The following SRD5A2 variants were observed in gnomAD, a reference collection of about 807,000 sequenced individuals.
The protein encoded by SRD5A2 is steroid 5 alpha-reductase 2, also known as 3-oxo-5-alpha-steroid 4-dehydrogenase 2.
Under a neutral mutation model 27.4 loss-of-function variants are expected in SRD5A2, and 30 were observed. The ratio of observed to expected loss-of-function variants is 1.10; its 90% CI spans 0.82 to 1.49. SRD5A2 has a LOEUF of 1.49. SRD5A2 is among the 40% of genes most tolerant of loss of function. SRD5A2 has a pLI of 0.00. For synonymous variants in SRD5A2, 141 were observed against 133.6 expected (o/e 1.06, Z -0.38); for missense variants, 348 against 323.4 (o/e 1.08, Z -0.58).
the SRD5A2 span, among the ~76,000 whole-genome samples, chr2:31,603,218 A>G: frequency 4.9e-4 from 71 of 143,910 alleles, no homozygotes; most frequent in Non-Finnish European, 9.3e-4. Flanking sequence ...GCAAATTTAC[A>G]AAAAATTAAA....
chr2:31,552,706 A>G (rs1415690784), intron 1 of SRD5A2, among the ~76,000 whole-genome samples: 1 of 152,200 alleles, frequency 6.6e-6, no homozygotes, highest in Admixed American at 6.5e-5. Context: ...AGCTAAGAAC[A>G]AAGGAAAAGA....
At chr2:31,578,821 G>T (rs1170316616) in intron 1 of SRD5A2, among the ~76,000 whole-genome samples, 1 of 151,952 alleles carries the variant, frequency 6.6e-6, no homozygotes, top group Non-Finnish European at 1.5e-5. Context: ...AATGTATTGT[G>T]CAAAGTGCCT....
At chr2:31,654,771 G>C in the SRD5A2 span, among the ~76,000 whole-genome samples, 3,068 of 152,234 alleles carry the variant, frequency 0.02, 63 homozygotes, top group African/African-American at 0.04. Flanking sequence ...GCCAGTATCA[G>C]GCACACCCAC....
chr2:31,580,943 G>C (rs1417055625), upstream of SRD5A2: 8 of 1,564,702 alleles, frequency 5.1e-6, no homozygotes, highest in Non-Finnish European at 6.9e-6. Context: ...TCCCAGAAGA[G>C]AGCGCGGCCC....
rs151300873 is a variant in SRD5A2 at position 31,568,105 on chromosome 2, C to G, written c.281+12515G>C. On this transcript the variant is annotated intron_variant, in intron 1 of 4. Transcript: ENST00000622030. Reference sequence around the variant, plus strand: ...TGGCTTCCACTGTGGGCACCCACATCTGGATGAAGGGAACATGGTGGTGCC... The same window carrying G: ...TGGCTTCCACTGTGGGCACCCACATGTGGATGAAGGGAACATGGTGGTGCC... Among the ~76,000 whole-genome samples the G allele has an allele frequency of 3.6e-3, 555 of 152,272 alleles. 4 individuals carry two copies. Among genetic ancestry groups the G allele is most frequent in the African/African-American group, 0.013 (546 of 41,562 alleles).
chr2:31,572,347 C>T (rs180969403), intron 1 of SRD5A2, among the ~76,000 whole-genome samples: 107 of 152,190 alleles, frequency 7.0e-4, no homozygotes, highest in African/African-American at 2.4e-3. Flanking sequence ...AAATACCTAT[C>T]GGGTAGTATG....
chr2:31,567,456 G>GTGTGTGTGTGTGTGTA (rs143408801), intron 1 of SRD5A2, among the ~76,000 whole-genome samples: 2 of 140,240 alleles, frequency 1.4e-5, no homozygotes, highest in Admixed American at 1.4e-4. Context: ...GTGTGTGTGT[G>GTGTGTGTGTGTGTGTA]TATATATATA....
At chr2:31,531,219 A>T (rs938947377) in intron 3 of SRD5A2, among the ~76,000 whole-genome samples, 152 bp downstream of exon 3, 2 of 152,200 alleles carry the variant, frequency 1.3e-5, no homozygotes. Flanking sequence ...AGGTACTGTG[A>T]TGGGACTGGG....
intron 1 of SRD5A2, among the ~76,000 whole-genome samples, chr2:31,549,236 C>T (rs1666331225): frequency 6.6e-6 from 1 of 151,640 alleles, no homozygotes; most frequent in South Asian, 2.1e-4. Flanking sequence ...CCTCAGCCTC[C>T]CAAGTAGCTG....
At chr2:31,563,331 T>C (rs1666664429) in intron 1 of SRD5A2, 1 of 152,052 alleles carries the variant, frequency 6.6e-6, no homozygotes, top group Non-Finnish European at 1.5e-5. Context: ...GAGACACTTC[T>C]GCTTCCAGTC....
chr2:31,546,659 C>T (rs1666268410), intron 1 of SRD5A2, among the ~76,000 whole-genome samples: 1 of 152,090 alleles, frequency 6.6e-6, no homozygotes, highest in Non-Finnish European at 1.5e-5. Context: ...TGAGAGGGGG[C>T]TAAGGGCTGA....
intron 1 of SRD5A2, among the ~76,000 whole-genome samples, chr2:31,573,022 A>C (rs995902622): frequency 1.3e-5 from 2 of 152,210 alleles, no homozygotes; most frequent in African/African-American, 4.8e-5. Flanking sequence ...GAGTATACAA[A>C]GTATAAGGCA....
Position 31,522,602 on chromosome 2 carries a change from T to C in SRD5A2, c.*3594A>G, listed in dbSNP as rs1047508911. 5 of 211,182 alleles carry C rather than the reference T, an allele frequency of 2.4e-5. No individual in the cohort carries two copies. The Admixed American group carries it at 2.9e-4, about 12-fold the overall frequency. The allele number at this position is 211,182 out of a possible 1,614,324, so 13.1% of individuals were successfully genotyped here. A position where few individuals can be genotyped will look rare whatever the true frequency, so the allele number is the denominator to read the frequency against. Reference sequence around the variant, plus strand: ...AGAACTCTTTAAGATCACAACTCCATGGACTTGTACAAAGAATAAACAAAT... The same window carrying C: ...AGAACTCTTTAAGATCACAACTCCACGGACTTGTACAAAGAATAAACAAAT... On this transcript the variant is annotated 3_prime_UTR_variant, in exon 5 of 5. Coordinates refer to ENST00000622030, the MANE Select transcript of SRD5A2 (RefSeq NM_000348.4).
chr2:31,627,846 A>AT, the SRD5A2 span, among the ~76,000 whole-genome samples: 3 of 151,750 alleles, frequency 2.0e-5, no homozygotes, highest in Non-Finnish European at 2.9e-5. Flanking sequence ...GGTAAGTATG[A>AT]TTTTTTTGTT....
intron 1 of SRD5A2, among the ~76,000 whole-genome samples, chr2:31,579,998 G>C (rs1048786982): frequency 6.6e-6 from 1 of 152,160 alleles, no homozygotes. Context: ...CTAAGAAGCG[G>C]GGACCCTCGC....
In SRD5A2 at chr2:31,529,286, C is replaced by T. The variant is rs1333102292; in HGVS notation, c.698+21G>A. 8 of 1,613,296 alleles carry T rather than the reference C, an allele frequency of 5.0e-6. No homozygotes were observed. In the Admixed American group the frequency reaches 5.0e-5, roughly 10 times the overall value. On this transcript the variant is annotated intron_variant, in intron 4 of 4. Transcript: ENST00000622030. ...AAGAAGAAAGCTACGTGAATGCTGC[C>T]GCTTTTATTGAAAAATTTACCTATG...
At chr2:31,648,795 T>C in the SRD5A2 span, among the ~76,000 whole-genome samples, 3 of 152,212 alleles carry the variant, frequency 2.0e-5, no homozygotes, top group African/African-American at 4.8e-5. Flanking sequence ...TTTCTGAGCT[T>C]CAATTCTATT....
At chr2:31,579,861 C>G (rs1371904651) in intron 1 of SRD5A2, among the ~76,000 whole-genome samples, 1 of 152,182 alleles carries the variant, frequency 6.6e-6, no homozygotes, top group Non-Finnish European at 1.5e-5. Flanking sequence ...GCAAAGTTCT[C>G]CTGAACCCGG....
chr2:31,568,872 C>A (rs993969328), intron 1 of SRD5A2, among the ~76,000 whole-genome samples: 4 of 152,264 alleles, frequency 2.6e-5, no homozygotes, highest in African/African-American at 9.6e-5. Context: ...TGTGTCAATG[C>A]CGCCCTGAGC....
Sources: gnomAD v4.1 joint callset for allele counts (sites outside exome capture counted in the v4.1 genomes callset) on GRCh38, gnomAD v4.1.1 for gene constraint, MANE v1.5 for transcripts, NCBI Gene and HGNC (gene_info 2026-07-23, HGNC 2026-07-21) for gene names.